Variants in CLASP1 observed in about 807,000 individuals in gnomAD.
CLASP1 encodes the protein CLIP-associating protein 1.
A neutral mutation model predicts 192.3 loss-of-function variants in CLASP1; 38 were observed. The ratio of observed to expected loss-of-function variants is 0.20; its 90% CI spans 0.15 to 0.26. The LOEUF (loss-of-function observed/expected upper bound fraction) is 0.26, where lower values mean the gene tolerates loss of function less well. CLASP1 is among the 10% of genes least tolerant of loss of function. The pLI is 1.00. For synonymous variants in CLASP1, 691 were observed against 712.8 expected (o/e 0.97, Z 0.49); for missense variants, 1,433 against 1,932.5 (o/e 0.74, Z 4.85).
chr2:121,384,169 T>C (rs201619845), intron 32 of CLASP1, among the ~76,000 whole-genome samples: 6,501 of 142,444 alleles, frequency 0.046, 193 homozygotes, highest in East Asian at 0.14. Context: ...TATATATATA[T>C]ACACACACAC....
In CLASP1 at chr2:121,562,673, A is replaced by G. The variant is rs1051597151; in HGVS notation, c.196-32348T>C. Among the ~76,000 whole-genome samples, 8 of 152,334 alleles carry G rather than the reference A, an allele frequency of 5.3e-5. No individual in the cohort carries two copies. In the South Asian group the frequency reaches 1.5e-3, roughly 28 times the overall value. On this transcript the variant is annotated intron_variant, in intron 2 of 39. Transcript: ENST00000263710. ...TCAATTATTTACTAGGAGATCAAAC[A>G]TAAGCACAGAAGCACAACAGGCAAA...
At chr2:121,520,082 A>G (rs1046489217) in intron 6 of CLASP1, among the ~76,000 whole-genome samples, 2 of 152,162 alleles carry the variant, frequency 1.3e-5, no homozygotes, top group African/African-American at 2.4e-5. Context: ...ACGTCTGACC[A>G]TGTTGTTCCT....
chr2:121,389,500 T>C (rs1356232168), intron 30 of CLASP1, among the ~76,000 whole-genome samples: 1 of 143,292 alleles, frequency 7.0e-6, no homozygotes, highest in Non-Finnish European at 1.5e-5. Flanking sequence ...AAAAAAACAA[T>C]GCATGCAGAA....
intron 2 of CLASP1, among the ~76,000 whole-genome samples, chr2:121,550,394 C>T (rs1229272247): frequency 1.3e-5 from 2 of 151,628 alleles, no homozygotes; most frequent in Admixed American, 1.3e-4. Flanking sequence ...TAACCAAAAT[C>T]AGAGTTGAAA....
intron 8 of CLASP1, among the ~76,000 whole-genome samples, chr2:121,477,324 T>A (rs569248670): frequency 6.6e-6 from 1 of 152,380 alleles, no homozygotes; most frequent in Admixed American, 6.5e-5. Context: ...TTAACGTGCA[T>A]ATGGTTTAAT....
At chr2:121,404,947 G>A (rs1330743768) in intron 25 of CLASP1, among the ~76,000 whole-genome samples, 1 of 152,126 alleles carries the variant, frequency 6.6e-6, no homozygotes, top group Non-Finnish European at 1.5e-5. Context: ...ACAAAAAAGG[G>A]AAAAAACAAA....
chr2:121,343,297 C>A (rs7558845), intron 39 of CLASP1, among the ~76,000 whole-genome samples: 3 of 151,992 alleles, frequency 2.0e-5, no homozygotes, highest in Non-Finnish European at 4.4e-5. Context: ...TTGGTCAGAA[C>A]GTAAAATGGT....
At chr2:121,459,413 T>A (rs1287737296) in intron 12 of CLASP1, among the ~76,000 whole-genome samples, 4 of 152,202 alleles carry the variant, frequency 2.6e-5, no homozygotes, top group African/African-American at 9.6e-5. Flanking sequence ...TTTTTCTTTT[T>A]TCTTTTATCT....
intron 6 of CLASP1, among the ~76,000 whole-genome samples, chr2:121,523,178 C>T (rs1228567758): frequency 6.6e-6 from 1 of 152,202 alleles, no homozygotes; most frequent in Admixed American, 6.5e-5. Flanking sequence ...CGTCAGGTAG[C>T]TCAAGTATTA....
chr2:121,587,480 C>T (rs190300910), intron 2 of CLASP1, among the ~76,000 whole-genome samples: 107 of 152,312 alleles, frequency 7.0e-4, no homozygotes, highest in Middle Eastern at 3.4e-3. Flanking sequence ...CCATTTGGGA[C>T]CTCTAACAGA....
At chr2:121,437,564 A>G (rs942087575) in intron 19 of CLASP1, among the ~76,000 whole-genome samples, 7 of 152,206 alleles carry the variant, frequency 4.6e-5, no homozygotes, top group Admixed American at 1.3e-4. Flanking sequence ...CAGACTACAA[A>G]GGTAACGTAA....
At chr2:121,528,861 T>C (rs2094657043) in intron 3 of CLASP1, 81 bp from the exon 4 acceptor site, 1 of 1,072,932 alleles carries the variant, frequency 9.3e-7, no homozygotes, top group Non-Finnish European at 1.4e-6. Context: ...CTCAATTATG[T>C]GGGAAGACAA....
At chr2:121,500,720 A>G (rs2093725925) in intron 8 of CLASP1, among the ~76,000 whole-genome samples, 2 of 152,242 alleles carry the variant, frequency 1.3e-5, no homozygotes, top group Admixed American at 1.3e-4. Context: ...AATTTTATAC[A>G]TATGGCTATA....
chr2:121,607,644 C>T (rs2064621046), intron 1 of CLASP1, among the ~76,000 whole-genome samples: 1 of 152,200 alleles, frequency 6.6e-6, no homozygotes, highest in South Asian at 2.1e-4. Flanking sequence ...GGAAACCTAT[C>T]TTCAAGATTC....
intron 2 of CLASP1, among the ~76,000 whole-genome samples, chr2:121,546,583 C>T (rs2057446847): frequency 6.6e-6 from 1 of 152,072 alleles, no homozygotes; most frequent in African/African-American, 2.4e-5. Flanking sequence ...AACCACGCTT[C>T]TTCCACAGAC....
chr2:121,531,168 C>T (rs375383332), intron 2 of CLASP1, among the ~76,000 whole-genome samples: 4 of 152,228 alleles, frequency 2.6e-5, no homozygotes, highest in African/African-American at 4.8e-5. Flanking sequence ...GGAAGGATTT[C>T]AACAGAACTT....
At chr2:121,342,834 G>T (rs1421252065) in intron 39 of CLASP1, among the ~76,000 whole-genome samples, 1 of 152,112 alleles carries the variant, frequency 6.6e-6, no homozygotes, top group Non-Finnish European at 1.5e-5. Context: ...TTGGGGAGGG[G>T]CTGAGATGGG....
chr2:121,467,188 C>T (rs542428224), intron 9 of CLASP1, among the ~76,000 whole-genome samples: 66 of 152,346 alleles, frequency 4.3e-4, no homozygotes, highest in African/African-American at 1.4e-3. Context: ...ATGTACCACA[C>T]TTTCTTTATC....
rs1334325448 is a variant in CLASP1 at position 121,570,178 on chromosome 2, CCTT to C, written c.195+35520_195+35522del. On this transcript the variant is annotated intron_variant, in intron 2 of 39. Transcript: ENST00000263710. Reference sequence around the variant, plus strand: ...TCAGTCTGTTCTCTCCTCTCTCCCTCCTTCTTTCCCTCCCCACCCAACTCCCAA... The same window carrying C: ...TCAGTCTGTTCTCTCCTCTCTCCCTCCTTTCCCTCCCCACCCAACTCCCAA... Among the ~76,000 whole-genome samples, 3 of 152,236 alleles carry C rather than the reference CCTT, an allele frequency of 2.0e-5. No homozygotes were observed. In the South Asian group the frequency reaches 6.2e-4, roughly 31 times the overall value.
Sources: allele counts gnomAD v4.1 joint callset (sites outside exome capture counted in the v4.1 genomes callset), GRCh38; gene constraint gnomAD v4.1.1; transcripts MANE v1.5; gene names NCBI Gene and HGNC (gene_info 2026-07-23, HGNC 2026-07-21).